ACACA: variants seen among roughly 807,000 people sequenced by gnomAD.
ACACA encodes the protein acetyl-CoA carboxylase 1.
In ACACA, 103 loss-of-function variants were observed where a neutral mutation model predicts 296.1. The ratio of observed to expected loss-of-function variants is 0.35; its 90% CI spans 0.30 to 0.41. The LOEUF (loss-of-function observed/expected upper bound fraction) is 0.41, where lower values mean the gene tolerates loss of function less well. ACACA is among the 10% of genes least tolerant of loss of function. ACACA has a pLI of 1.00. For synonymous variants in ACACA, 953 were observed against 1,038.6 expected, an observed-to-expected ratio of 0.92 and a Z score of 1.58; for missense variants, 1,554 against 2,989.7, an observed-to-expected ratio of 0.52 and a Z score of 11.20.
chr17:37,374,232 AG>A (rs2049911606), intron 1 of ACACA, among the ~76,000 whole-genome samples: 1 of 151,948 alleles, frequency 6.6e-6, no homozygotes, highest in Admixed American at 6.6e-5. Flanking sequence ...ACAAGACCAA[AG>A]AAGCTGTAGA....
At chr17:37,401,368 T>G (rs1462459233) in intron 1 of ACACA, among the ~76,000 whole-genome samples, 1 of 151,688 alleles carries the variant, frequency 6.6e-6, no homozygotes, top group African/African-American at 2.4e-5. Flanking sequence ...AATTTTTGTT[T>G]TTTTAGTAGA....
intron 41 of ACACA, among the ~76,000 whole-genome samples, chr17:37,168,728 T>A (rs1486964247): frequency 1.3e-5 from 2 of 152,184 alleles, no homozygotes; most frequent in Non-Finnish European, 2.9e-5. Flanking sequence ...TGTTGGGTTA[T>A]CATTTCATTT....
chr17:37,275,929 C>T (rs750872719), intron 8 of ACACA, 22 bp downstream of exon 8: 19 of 1,596,790 alleles, frequency 1.2e-5, no homozygotes, highest in Non-Finnish European at 1.5e-5. Flanking sequence ...CTTCAAGATA[C>T]AAACAAGAAT....
At chr17:37,269,739 A>C (rs1166401826) in intron 10 of ACACA, among the ~76,000 whole-genome samples, 1 of 144,674 alleles carries the variant, frequency 6.9e-6, no homozygotes, top group East Asian at 2.1e-4. Flanking sequence ...TGAAGCAAGG[A>C]GTTTGCTGCT....
chr17:37,212,858 C>T (rs577739964), intron 29 of ACACA, among the ~76,000 whole-genome samples: 7 of 149,710 alleles, frequency 4.7e-5, no homozygotes, highest in Non-Finnish European at 1.0e-4. Flanking sequence ...TGTGGCATAT[C>T]GCACACTACT....
chr17:37,216,669 A>C (rs1300224785), intron 29 of ACACA, among the ~76,000 whole-genome samples: 1 of 152,148 alleles, frequency 6.6e-6, no homozygotes, highest in African/African-American at 2.4e-5. Flanking sequence ...ATGTTACTAC[A>C]AAGCAACTGT....
At chr17:37,383,192 T>C (rs1363019881) in intron 1 of ACACA, among the ~76,000 whole-genome samples, 1 of 152,192 alleles carries the variant, frequency 6.6e-6, no homozygotes, top group African/African-American at 2.4e-5. Flanking sequence ...TTTTGGAGTT[T>C]GGAGCACTCT....
At chr17:37,112,359 C>G (rs1231116419) in intron 51 of ACACA, among the ~76,000 whole-genome samples, 1 of 152,126 alleles carries the variant, frequency 6.6e-6, no homozygotes, top group South Asian at 2.1e-4. Flanking sequence ...ACATATAAAT[C>G]CTTACAACAA....
intron 1 of ACACA, among the ~76,000 whole-genome samples, chr17:37,351,935 T>TA (rs1597682043): frequency 6.7e-6 from 1 of 150,218 alleles, no homozygotes; most frequent in Non-Finnish European, 1.5e-5. Flanking sequence ...GCATTTTTTT[T>TA]TTTTTTTTTT....
intron 38 of ACACA, 137 bp downstream of exon 38, chr17:37,190,983 T>A: frequency 9.2e-7 from 1 of 1,083,454 alleles, no homozygotes; most frequent in Non-Finnish European, 1.4e-6. Flanking sequence ...CTTATAAACA[T>A]TCTATAAACT....
At chr17:37,356,039 G>A (rs1360404481) in intron 1 of ACACA, among the ~76,000 whole-genome samples, 2 of 151,578 alleles carry the variant, frequency 1.3e-5, no homozygotes, top group Non-Finnish European at 2.9e-5. Context: ...GCATGGTGGC[G>A]CACACCTTGT....
At chr17:37,269,063 A>C (rs62069553) in intron 10 of ACACA, among the ~76,000 whole-genome samples, 4 of 150,118 alleles carry the variant, frequency 2.7e-5, no homozygotes, top group South Asian at 2.1e-4. Flanking sequence ...AAAAAAAAAA[A>C]CCCAAGGTAA....
At chr17:37,374,994 G>A (rs2049944448) in intron 1 of ACACA, among the ~76,000 whole-genome samples, 1 of 151,956 alleles carries the variant, frequency 6.6e-6, no homozygotes, top group East Asian at 1.9e-4. Flanking sequence ...TCAGGAGTTC[G>A]AGACCAGCCT....
intron 20 of ACACA, 129 bp downstream of exon 20, chr17:37,244,951 G>C (rs2080617534): frequency 7.1e-7 from 1 of 1,414,682 alleles, no homozygotes; most frequent in Non-Finnish European, 1.0e-6. Flanking sequence ...ACAAATACAA[G>C]GCATAAGATT....
intron 12 of ACACA, among the ~76,000 whole-genome samples, chr17:37,259,050 T>C (rs2081332696): frequency 6.6e-6 from 1 of 152,248 alleles, no homozygotes; most frequent in African/African-American, 2.4e-5. Flanking sequence ...GAGTAGGGAA[T>C]AATTATAATA....
chr17:37,240,079 T>C (rs567099558), intron 24 of ACACA, among the ~76,000 whole-genome samples: 2 of 152,368 alleles, frequency 1.3e-5, no homozygotes, highest in African/African-American at 4.8e-5. Flanking sequence ...TCTTCCTAGA[T>C]GCCTCTGGTT....
At chr17:37,102,730 C>T (rs2073438581) in intron 52 of ACACA, among the ~76,000 whole-genome samples, 2 of 152,244 alleles carry the variant, frequency 1.3e-5, no homozygotes, top group South Asian at 4.1e-4. Context: ...GACAGTGTTT[C>T]AGAAACCAGG....
chr17:37,261,382 G>C (rs1257269992), intron 11 of ACACA, among the ~76,000 whole-genome samples: 1 of 152,226 alleles, frequency 6.6e-6, no homozygotes, highest in Non-Finnish European at 1.5e-5. Context: ...AGAAATCTAT[G>C]AGTATGATTA....
At chr17:37,268,796 A>G (rs563637226) in intron 10 of ACACA, among the ~76,000 whole-genome samples, 2 of 142,996 alleles carry the variant, frequency 1.4e-5, no homozygotes, top group East Asian at 4.0e-4. Flanking sequence ...GTTTGTTCCC[A>G]ATGGGAGGAT....
Sources: gnomAD v4.1 joint callset for allele counts (sites outside exome capture counted in the v4.1 genomes callset) on GRCh38, gnomAD v4.1.1 for gene constraint, MANE v1.5 for transcripts, NCBI Gene and HGNC (gene_info 2026-07-23, HGNC 2026-07-21) for gene names.